The following PPP1R12A variants were observed in gnomAD, a reference collection of about 807,000 sequenced individuals.
PPP1R12A encodes the protein myosin binding subunit.
Under a neutral mutation model 139.6 loss-of-function variants are expected in PPP1R12A, and 19 were observed. The observed-to-expected ratio is 0.14, with a 90% confidence interval of 0.09 to 0.20. The LOEUF is 0.20. Ranked by LOEUF, PPP1R12A falls within the 10% of genes least tolerant of loss-of-function variation. The pLI, the probability that PPP1R12A is intolerant of heterozygous loss-of-function variation, is 1.00. For missense variants in PPP1R12A, 925 were observed against 1,211.5 expected, an observed-to-expected ratio of 0.76 and a Z score of 3.51; for synonymous variants, 427 against 420.6, an observed-to-expected ratio of 1.02 and a Z score of -0.19.
chr12:79,929,556 A>G (rs1454825283), intron 1 of PPP1R12A, among the ~76,000 whole-genome samples: 2 of 152,162 alleles, frequency 1.3e-5, no homozygotes, highest in South Asian at 4.1e-4. Flanking sequence ...ACTTGAGGTC[A>G]GGAGTTCGAA....
chr12:79,860,866 G>A (rs540720675), intron 2 of PPP1R12A, among the ~76,000 whole-genome samples: 1 of 152,284 alleles, frequency 6.6e-6, no homozygotes, highest in South Asian at 2.1e-4. Context: ...TACTGGTGGT[G>A]GTGGTGGTGG....
chr12:79,883,543 C>T (rs1179020302), intron 1 of PPP1R12A, among the ~76,000 whole-genome samples: 1 of 152,032 alleles, frequency 6.6e-6, no homozygotes, highest in Admixed American at 6.6e-5. Context: ...ACCACAGATT[C>T]AAGCAGCAGA....
intron 1 of PPP1R12A, among the ~76,000 whole-genome samples, chr12:79,879,451 A>G (rs146996000): frequency 6.6e-5 from 10 of 152,290 alleles, no homozygotes; most frequent in African/African-American, 2.2e-4. Flanking sequence ...GCATCTACTA[A>G]AGTTATGTGG....
chr12:79,922,951 A>G (rs1887556357), intron 1 of PPP1R12A, among the ~76,000 whole-genome samples: 1 of 152,208 alleles, frequency 6.6e-6, no homozygotes. Context: ...AACAATCCTA[A>G]GGAATACAAT....
At chr12:79,826,263 T>C (rs926715812) in intron 5 of PPP1R12A, among the ~76,000 whole-genome samples, 3 of 151,794 alleles carry the variant, frequency 2.0e-5, no homozygotes, top group Non-Finnish European at 4.4e-5. Context: ...TTAAAAGAAT[T>C]GCATTAGGTA....
intron 24 of PPP1R12A, among the ~76,000 whole-genome samples, chr12:79,776,252 T>A (rs546798550): frequency 6.6e-6 from 1 of 152,098 alleles, no homozygotes; most frequent in African/African-American, 2.4e-5. Context: ...AAATTTTCCA[T>A]TGAAATTTAC....
rs569988679 is a variant in PPP1R12A, at chr12:79,840,302, A to G, written c.487+5000T>C. Among the ~76,000 whole-genome samples the G allele has an allele frequency of 5.3e-5, 8 of 152,332 alleles. No individual in the cohort carries two copies. In the South Asian group the frequency reaches 1.7e-3, roughly 32 times the overall value. ...ATGCCTGGCATATAATAAGCATTTAATAACAGTTAGCTATTGTCATTACTA... is the reference window on the plus strand; with the variant it reads ...ATGCCTGGCATATAATAAGCATTTAGTAACAGTTAGCTATTGTCATTACTA... On this transcript the variant is annotated intron_variant, in intron 3 of 24. Transcript: ENST00000450142.
intron 1 of PPP1R12A, among the ~76,000 whole-genome samples, chr12:79,928,119 T>C (rs551338171): frequency 6.6e-6 from 1 of 152,360 alleles, no homozygotes; most frequent in East Asian, 1.9e-4. Flanking sequence ...TTATGTGAAC[T>C]GTAATTTTTA....
At chr12:79,834,847 C>G (rs1403718241) in intron 3 of PPP1R12A, among the ~76,000 whole-genome samples, 2 of 152,146 alleles carry the variant, frequency 1.3e-5, no homozygotes, top group Non-Finnish European at 2.9e-5. Flanking sequence ...ACTAAGTGCC[C>G]TCAATTACCT....
At position 79,788,656 on chromosome 12, in the gene PPP1R12A, A is replaced by T. The variant is rs769361834; in HGVS notation, c.2794T>A (p.Phe932Ile). The T allele has an allele frequency of 6.2e-7, 1 of 1,609,354 alleles. No homozygotes were observed. The highest frequency in any genetic ancestry group is 1.1e-5 in the South Asian group (1 of 90,070). The change falls in exon 21 of 25, where the codon TTT becomes ATT. Residue 932 changes from phenylalanine (F) to isoleucine (I), a missense_variant. By Grantham distance (21) the Phe-to-Ile change is conservative. This residue lies in a region of PPP1R12A where 315 missense variants were observed against 363.4 expected (regional missense o/e 0.87). Coordinates refer to ENST00000450142, the MANE Select transcript of PPP1R12A (RefSeq NM_002480.3). ...SRLEKDDSTD[F>I]KKLYEQILAE... The stretch of plus-strand genomic sequence containing the variant: ...CTAAATAACCCAAGTACCTTTTTAA[A>T]GTCAGTTGAGTCATCCTTTTCTAGC...
rs528216322 is a variant in PPP1R12A at position 79,848,785 on chromosome 12, C to G, written c.369-3365G>C. 91 of 152,168 alleles carry G rather than the reference C, an allele frequency of 6.0e-4. No homozygotes were observed. In the East Asian group the frequency reaches 0.015, roughly 26 times the overall value. The allele number at this position is 152,168 out of a possible 1,614,324, so 9.4% of individuals were successfully genotyped here. ...TAATAAATAATAATAAACAAAATCTCACGGACTGATTAATCCTATGGTGGA... is the reference window on the plus strand; with the variant it reads ...TAATAAATAATAATAAACAAAATCTGACGGACTGATTAATCCTATGGTGGA... On this transcript the variant is annotated intron_variant, in intron 2 of 24. Coordinates refer to ENST00000450142, the MANE Select transcript of PPP1R12A (RefSeq NM_002480.3).
chr12:79,925,263 T>A (rs1887747153), intron 1 of PPP1R12A, among the ~76,000 whole-genome samples: 1 of 149,718 alleles, frequency 6.7e-6, no homozygotes, highest in Non-Finnish European at 1.5e-5. Flanking sequence ...TACGTGTACG[T>A]GTGTGTGTGT....
chr12:79,805,829 C>A, intron 13 of PPP1R12A, 61 bp from the exon 14 acceptor site: 1 of 1,476,652 alleles, frequency 6.8e-7, no homozygotes, highest in Non-Finnish European at 9.2e-7. Flanking sequence ...ACAATGAAAG[C>A]ACTTTCTAGC....
At chr12:79,902,456 A>G (rs1192461982) in intron 1 of PPP1R12A, among the ~76,000 whole-genome samples, 1 of 152,172 alleles carries the variant, frequency 6.6e-6, no homozygotes, top group Non-Finnish European at 1.5e-5. Context: ...AAATTGAAAA[A>G]AAGTGATATT....
intron 1 of PPP1R12A, among the ~76,000 whole-genome samples, chr12:79,893,716 AAC>A (rs1456412610): frequency 2.0e-5 from 3 of 152,218 alleles, no homozygotes; most frequent in Non-Finnish European, 4.4e-5. Context: ...ACAGGCAAAT[AAC>A]ACTTTCCTTT....
chr12:79,820,982 T>C, intron 7 of PPP1R12A, 51 bp from the exon 8 acceptor site: 1 of 1,604,498 alleles, frequency 6.2e-7, no homozygotes, highest in Non-Finnish European at 8.5e-7. Context: ...AAGGTTAAAA[T>C]ATATTCATTC....
chr12:79,864,711 A>G (rs1221221444), intron 2 of PPP1R12A, among the ~76,000 whole-genome samples: 1 of 152,228 alleles, frequency 6.6e-6, no homozygotes, highest in African/African-American at 2.4e-5. Flanking sequence ...CAAATAAACT[A>G]GAAAATCTAG....
chr12:79,794,536 T>TA (rs759281905), intron 18 of PPP1R12A, among the ~76,000 whole-genome samples: 1 of 151,380 alleles, frequency 6.6e-6, no homozygotes, highest in Non-Finnish European at 1.5e-5. Flanking sequence ...ACACTGCAAT[T>TA]AAAAAAAAGT....
rs956205384 is a variant in PPP1R12A at position 79,870,014 on chromosome 12, T to A, written c.368+2794A>T. On this transcript the variant is annotated intron_variant, in intron 2 of 24. Transcript: ENST00000450142. Reference sequence around the variant, plus strand: ...TATCAATTAGGCCACCAGACTATTATTTTTCTATACCCAAGAAAACTAGGG... The same window carrying A: ...TATCAATTAGGCCACCAGACTATTAATTTTCTATACCCAAGAAAACTAGGG... Among the ~76,000 whole-genome samples, 6 of 151,906 alleles carry A rather than the reference T, an allele frequency of 3.9e-5. No homozygotes were observed. The East Asian group carries it at 1.2e-3, about 29-fold the overall frequency.
Sources: gnomAD v4.1 joint callset for allele counts (sites outside exome capture counted in the v4.1 genomes callset) on GRCh38, gnomAD v4.1.1 for gene constraint, gnomAD v4.1.1 regional missense constraint, MANE v1.5 for transcripts, NCBI Gene and HGNC (gene_info 2026-07-23, HGNC 2026-07-21) for gene names.